Variants in TNRC6C observed in about 807,000 individuals in gnomAD.
TNRC6C encodes trinucleotide repeat-containing gene 6C protein.
Under a neutral mutation model 153.7 loss-of-function variants are expected in TNRC6C, and 20 were observed. That is an observed-to-expected ratio of 0.13 (90% CI 0.09 to 0.19). The LOEUF is 0.19. TNRC6C is among the 10% of genes least tolerant of loss of function. The pLI, the probability that TNRC6C is intolerant of heterozygous loss-of-function variation, is 1.00. For synonymous variants in TNRC6C, 811 were observed against 841.4 expected (o/e 0.96, Z 0.63); for missense variants, 1,987 against 2,172.0 (o/e 0.91, Z 1.69).
At chr17:78,073,065 G>A (rs1414997420) in exon 7 of TNRC6C, 1 of 1,557,180 alleles carries the variant, frequency 6.4e-7, no homozygotes. Context: ...GCCTTGAAGA[G>A]TAACAATATG....
intron 1 of TNRC6C, among the ~76,000 whole-genome samples, chr17:77,971,626 C>G (rs1444470294): frequency 6.6e-6 from 1 of 152,080 alleles, no homozygotes; most frequent in African/African-American, 2.4e-5. Context: ...AAACATAGAA[C>G]TAATATCGAG....
chr17:77,970,133 A>C (rs147204872), intron 1 of TNRC6C, among the ~76,000 whole-genome samples: 90 of 152,348 alleles, frequency 5.9e-4, no homozygotes, highest in African/African-American at 2.1e-3. Context: ...TTCAACACAA[A>C]AAGTTTGAAA....
rs990206136 is a variant in TNRC6C at position 78,075,826 on chromosome 17, G to A, written c.3060+548G>A. Among the ~76,000 whole-genome samples, 1 of 152,092 alleles carries A rather than the reference G, an allele frequency of 6.6e-6. No individual in the cohort carries two copies. The highest frequency in any genetic ancestry group is 1.5e-5 in the Non-Finnish European group (1 of 68,026). On this transcript the variant is annotated intron_variant, in intron 8 of 19. Transcript: ENST00000301624. The surrounding 1 kb of genome is among the most constrained non-coding windows in gnomAD (Gnocchi z 4.2). ...GTCCCCATGCCAGACTGGTGTGACT[G>A]CAAAGCGGAGAAAAGCATTGCACTA...
At chr17:77,973,549 C>T (rs1030858634) in intron 1 of TNRC6C, among the ~76,000 whole-genome samples, 2 of 152,222 alleles carry the variant, frequency 1.3e-5, no homozygotes, top group African/African-American at 4.8e-5. Context: ...GCGGTGAAAC[C>T]GTCCTTATCC....
intron 1 of TNRC6C, among the ~76,000 whole-genome samples, chr17:77,986,447 AT>A (rs2071170798): frequency 6.6e-6 from 1 of 151,918 alleles, no homozygotes; most frequent in Non-Finnish European, 1.5e-5. Context: ...AGAAATGACA[AT>A]TTCACTGAAA....
At chr17:78,085,966 T>C (rs528300488) in intron 11 of TNRC6C, among the ~76,000 whole-genome samples, 19 of 152,274 alleles carry the variant, frequency 1.2e-4, no homozygotes, top group African/African-American at 4.6e-4. Flanking sequence ...CTCTGTGATT[T>C]TTTTTAGTTC....
chr17:77,957,557 GTTA>G (rs2070817428), upstream of TNRC6C, among the ~76,000 whole-genome samples: 1 of 152,204 alleles, frequency 6.6e-6, no homozygotes, highest in African/African-American at 2.4e-5. Flanking sequence ...GTACTAGTGT[GTTA>G]TTATCTCCTC....
In TNRC6C at chr17:78,104,337, A is replaced by AT; in HGVS notation, c.4713-148_4713-147insT. ...GAAGTCTGAACTGAGCAAAACATTC[A>AT]CAGTCTGGGTTTGGAAATAGCAGTG... On this transcript the variant is annotated intron_variant, in intron 19 of 19. Coordinates refer to ENST00000301624, the Ensembl canonical transcript of TNRC6C. The surrounding 1 kb of genome is among the most constrained non-coding windows in gnomAD (Gnocchi z 6.2). 1 of 1,111,606 alleles carries AT rather than the reference A, an allele frequency of 9.0e-7. No individual in the cohort carries two copies. The highest frequency in any genetic ancestry group is 3.0e-5 in the East Asian group (1 of 32,808). 68.9% of individuals were successfully genotyped at this position (1,111,606 alleles called of 1,614,324 possible). A position where few individuals can be genotyped will look rare whatever the true frequency, so the allele number is the denominator to read the frequency against.
upstream of TNRC6C, among the ~76,000 whole-genome samples, chr17:78,001,812 A>AG (rs973704634): frequency 1.2e-4 from 18 of 152,224 alleles, 1 homozygote; most frequent in South Asian, 2.5e-3. Context: ...GGGATATGGA[A>AG]GGGGGAGAAA....
chr17:77,994,999 A>G (rs2071306327), intron 1 of TNRC6C, among the ~76,000 whole-genome samples: 1 of 152,230 alleles, frequency 6.6e-6, no homozygotes, highest in Admixed American at 6.5e-5. Context: ...CTCCTCTATC[A>G]GCCAAGAGAG....
chr17:78,073,738 C>T (rs1216963777), intron 7 of TNRC6C, among the ~76,000 whole-genome samples: 1 of 152,026 alleles, frequency 6.6e-6, no homozygotes, highest in East Asian at 1.9e-4. Flanking sequence ...AATATATAAC[C>T]TTGTTTTATA....
At chr17:77,991,150 A>G (rs2071243693) in intron 1 of TNRC6C, among the ~76,000 whole-genome samples, 1 of 152,228 alleles carries the variant, frequency 6.6e-6, no homozygotes, top group Admixed American at 6.5e-5. Flanking sequence ...TTCTGTAGCT[A>G]TAGCAGGTAA....
chr17:78,050,001 G>A (rs374271464), exon 3 of TNRC6C: 1 of 1,613,792 alleles, frequency 6.2e-7, no homozygotes. Flanking sequence ...CCTGGGGAAG[G>A]GGCAGTGGCA....
chr17:77,988,171 G>A (rs1166618395), intron 1 of TNRC6C, among the ~76,000 whole-genome samples: 1 of 152,086 alleles, frequency 6.6e-6, no homozygotes, highest in Non-Finnish European at 1.5e-5. Flanking sequence ...GGGCAACAGG[G>A]TGAGACTCCG....
chr17:78,018,745 G>A (rs149868276), intron 1 of TNRC6C, among the ~76,000 whole-genome samples: 1 of 152,156 alleles, frequency 6.6e-6, no homozygotes, highest in African/African-American at 2.4e-5. Context: ...CCTTGATACA[G>A]CCCCAGCCTA....
upstream of TNRC6C, among the ~76,000 whole-genome samples, chr17:77,958,454 C>T (rs887381968): frequency 3.9e-5 from 6 of 151,966 alleles, no homozygotes; most frequent in African/African-American, 1.4e-4. Context: ...CAGGGAACCA[C>T]AGCGCGGGCG....
chr17:78,084,212 A>G (rs969178048), intron 11 of TNRC6C, among the ~76,000 whole-genome samples: 8 of 151,402 alleles, frequency 5.3e-5, no homozygotes, highest in African/African-American at 1.7e-4. Flanking sequence ...TGAACCTGGA[A>G]GGCGGAGGTT....
At chr17:78,051,271 T>C in exon 3 of TNRC6C, 1 of 1,553,612 alleles carries the variant, frequency 6.4e-7, no homozygotes, top group Non-Finnish European at 8.7e-7. Flanking sequence ...CCCAAGCAAC[T>C]ATAACAATAA....
At chr17:77,993,161 C>T (rs977514291) in intron 1 of TNRC6C, among the ~76,000 whole-genome samples, 6 of 152,102 alleles carry the variant, frequency 3.9e-5, no homozygotes, top group African/African-American at 7.2e-5. Context: ...GGGGTTTTAC[C>T]ATGATGGCCA....
Sources: gnomAD v4.1 joint callset for allele counts (sites outside exome capture counted in the v4.1 genomes callset) on GRCh38, gnomAD v4.1.1 for gene constraint, Gnocchi (gnomAD v3.1) non-coding constraint, MANE v1.5 for transcripts, NCBI Gene and HGNC (gene_info 2026-07-23, HGNC 2026-07-21) for gene names.